TEX12: variants seen among roughly 807,000 people sequenced by gnomAD.
TEX12 encodes the protein testis expressed 12, also known as testis-expressed protein 12.
In TEX12, 7 loss-of-function variants were observed where a neutral mutation model predicts 14.6. The observed-to-expected ratio is 0.48, with a 90% confidence interval of 0.27 to 0.90. TEX12 has a LOEUF of 0.90. Among genes scored for constraint, TEX12 ranks in the 40% least tolerant of loss-of-function variants. TEX12 has a pLI of 0.12. For missense variants in TEX12, 121 were observed against 135.7 expected, an observed-to-expected ratio of 0.89 and a Z score of 0.54; for synonymous variants, 57 against 49.1, an observed-to-expected ratio of 1.16 and a Z score of -0.67.
In TEX12 at chr11:112,171,899, A is replaced by G. The variant is rs772460239; in HGVS notation, c.355A>G (p.Asn119Asp). The change falls in exon 5 of 5, where the codon AAC becomes GAC. Residue 119 changes from asparagine (N) to aspartate (D), a missense_variant. Physicochemically the swap from Asn to Asp is conservative, Grantham distance 23. Coordinates refer to ENST00000280358, the MANE Select transcript of TEX12 (RefSeq NM_031275.4). ...GCGACAGAGGTTTACAGTGATTGCA[A>G]ACACATTACACAGATAAAATATATA... ...FLRQRFTVIA[N>D]TLHR 107 of 1,564,850 alleles carry G rather than the reference A, an allele frequency of 6.8e-5. 2 individuals are homozygous for G. The Admixed American group carries it at 2.1e-3, about 31-fold the overall frequency.
At chr11:112,170,043 G>A (rs1372362969) in intron 2 of TEX12, among the ~76,000 whole-genome samples, 1 of 152,116 alleles carries the variant, frequency 6.6e-6, no homozygotes, top group African/African-American at 2.4e-5. Flanking sequence ...AGCTGGGCAT[G>A]GTGGAATGTT....
Position 112,171,889 on chromosome 11 carries a change from A to G in TEX12, c.345A>G (p.Thr115=). The G allele has an allele frequency of 3.2e-6, 5 of 1,577,832 alleles. No individual in the cohort carries two copies. Among genetic ancestry groups the G allele is most frequent in the Middle Eastern group, 1.7e-4 (1 of 5,902 alleles). Residue 115 remains threonine, a synonymous_variant, in exon 5 of 5, where the codon ACA becomes ACG. Coordinates refer to ENST00000280358, the MANE Select transcript of TEX12 (RefSeq NM_031275.4). ...GAGAGTTCCTGCGACAGAGGTTTAC[A>G]GTGATTGCAAACACATTACACAGAT... The part of the protein sequence containing the change: ...QKREFLRQRF[T]VIANTLHR
rs751155227 is a variant in TEX12 at position 112,169,238 on chromosome 11, T to C, written c.-16-15T>C. 127 of 1,595,278 alleles carry C rather than the reference T, an allele frequency of 8.0e-5. No individual in the cohort carries two copies. Among genetic ancestry groups the C allele is most frequent in the Non-Finnish European group, 1.1e-4 (126 of 1,162,882 alleles). On this transcript the variant is annotated splice_polypyrimidine_tract_variant and intron_variant, in intron 1 of 4. Transcript: ENST00000280358. ...GAGTTTGTACCTAAATCTGGCATTG[T>C]TCTAAGCTTTGTAGCTGGTGCCTTC...
chr11:112,171,016 T>C (rs1386123599), intron 4 of TEX12, among the ~76,000 whole-genome samples: 3 of 152,162 alleles, frequency 2.0e-5, no homozygotes, highest in Non-Finnish European at 4.4e-5. Flanking sequence ...ATATTAAAGA[T>C]AAATATTTAT....
At chr11:112,170,793 T>C (rs928084045) in intron 4 of TEX12, 119 bp downstream of exon 4, 27 of 720,686 alleles carry the variant, frequency 3.7e-5, no homozygotes, top group Middle Eastern at 4.0e-4. Context: ...CTTTGGAATT[T>C]TTTATTCTAC....
In TEX12 at chr11:112,167,450, C is replaced by G. The variant is rs991531226; in HGVS notation, c.-54C>G. On this transcript the variant is annotated 5_prime_UTR_variant, in exon 1 of 5. Transcript: ENST00000280358. The stretch of plus-strand genomic sequence containing the variant: ...CTTGGGGTGGGGCTGGAGGGATGGG[C>G]GCCTGTGAGAATGTGACGGACTGTG... 1.3e-5 allele frequency: 2 copies of G among 152,326 alleles called. No homozygotes were observed. The highest frequency in any genetic ancestry group is 1.3e-4 in the Admixed American group (2 of 15,244). 9.4% of individuals were successfully genotyped at this position (152,326 alleles called of 1,614,324 possible). A position where few individuals can be genotyped will look rare whatever the true frequency, so the allele number is the denominator to read the frequency against.
chr11:112,167,954 G>C (rs1866746167), intron 1 of TEX12, among the ~76,000 whole-genome samples: 1 of 152,184 alleles, frequency 6.6e-6, no homozygotes, highest in African/African-American at 2.4e-5. Context: ...TGGCTTCTCT[G>C]AAGTATTTTC....
At chr11:112,168,666 C>T (rs551570006) in intron 1 of TEX12, among the ~76,000 whole-genome samples, 173 of 152,222 alleles carry the variant, frequency 1.1e-3, no homozygotes, top group Non-Finnish European at 1.9e-3. Flanking sequence ...ATTCTCTCAC[C>T]TCAGCTTCCC....
At chr11:112,170,292 TC>T (rs1264594366) in intron 2 of TEX12, 126 bp from the exon 3 acceptor site, 4 of 605,444 alleles carry the variant, frequency 6.6e-6, no homozygotes, top group Non-Finnish European at 1.1e-5. Flanking sequence ...AATGACTAAG[TC>T]ATATGCTTTC....
rs1364688539 is a variant in TEX12, at chr11:112,171,821, T to C, written c.277T>C (p.Phe93Leu). The change falls in exon 5 of 5, where the codon TTC (phenylalanine) becomes CTC (leucine). Residue 93 changes from phenylalanine to leucine, a missense_variant. Transcript: ENST00000280358. Reference protein sequence around the residue: ...ASYIDEIDELFKEANAIENFL... With the variant: ...ASYIDEIDELLKEANAIENFL... ...TTACATTGATGAGATAGATGAACTC[T>C]TCAAAGAAGCCAATGCTATTGAAAA... 1 of 1,596,950 alleles carries C rather than the reference T, an allele frequency of 6.3e-7. No individual in the cohort carries two copies. Among genetic ancestry groups the C allele is most frequent in the Admixed American group, 1.8e-5 (1 of 56,632 alleles).
chr11:112,169,101 A>G lies in TEX12; in HGVS notation c.-16-152A>G. ...TACCCAAATAGCAGTTGATAGAATG[A>G]TTTAGAGGAGGGAGAAATTGAGTTT... On this transcript the variant is annotated intron_variant, in intron 1 of 4. Coordinates refer to ENST00000280358, the MANE Select transcript of TEX12 (RefSeq NM_031275.4). 4.6e-6 allele frequency: 3 copies of G among 657,824 alleles called. No homozygotes were observed. In the South Asian group the frequency reaches 5.6e-5, roughly 12 times the overall value. The allele number at this position is 657,824 out of a possible 1,614,324, so 40.7% of individuals were successfully genotyped here. A position where few individuals can be genotyped will look rare whatever the true frequency, so the allele number is the denominator to read the frequency against.
rs1592825401 is a variant in TEX12, at chr11:112,171,756, C to A, written c.228-16C>A. On this transcript the variant is annotated splice_polypyrimidine_tract_variant and intron_variant, in intron 4 of 4. Transcript: ENST00000280358. ...TATATCTACTTAGTTTAATATACAA[C>A]TTTTTTTCCTATTAGTGAGAGAGCA... 6.8e-7 allele frequency: 1 copy of A among 1,472,820 alleles called. No homozygotes were observed. Among genetic ancestry groups the A allele is most frequent in the East Asian group, 2.5e-5 (1 of 39,906 alleles). 91.2% of individuals were successfully genotyped at this position (1,472,820 alleles called of 1,614,324 possible).
chr11:112,171,680 T>C (rs1866791769), intron 4 of TEX12, 92 bp from the exon 5 acceptor site: 1 of 836,988 alleles, frequency 1.2e-6, no homozygotes, highest in East Asian at 3.0e-5. Flanking sequence ...GCCATTTAAA[T>C]GAAATAGTTA....
Position 112,171,974 on chromosome 11 carries a change from G to A in TEX12, c.*58G>A, listed in dbSNP as rs1411269534. On this transcript the variant is annotated 3_prime_UTR_variant, in exon 5 of 5. Transcript: ENST00000280358. Reference sequence around the variant, plus strand: ...CCTATTATTGTTATAATGAAAGAATGACATTTATGCTTTGAAAGCTCTCGA... The same window carrying A: ...CCTATTATTGTTATAATGAAAGAATAACATTTATGCTTTGAAAGCTCTCGA... The A allele has an allele frequency of 3.9e-6, 5 of 1,279,730 alleles. No individual in the cohort carries two copies. The highest frequency in any genetic ancestry group is 5.1e-6 in the Non-Finnish European group (5 of 973,192). 79.3% of individuals were successfully genotyped at this position (1,279,730 alleles called of 1,614,324 possible).
intron 4 of TEX12, among the ~76,000 whole-genome samples, chr11:112,171,119 G>A (rs1161328214): frequency 6.6e-6 from 1 of 151,998 alleles, no homozygotes; most frequent in Non-Finnish European, 1.5e-5. Flanking sequence ...AAGGGTGGTT[G>A]TGTCTGTACT....
In TEX12 at chr11:112,169,314, A is replaced by C; in HGVS notation, c.46A>C (p.Arg16=). Residue 16 remains arginine (R), a synonymous_variant, in exon 2 of 5, where the codon AGG becomes CGG. Transcript: ENST00000280358. The stretch of plus-strand genomic sequence containing the variant: ...AAAGCCTGATAATAGAAATTGCAAG[A>C]GGCCAAGAGAATTGGAGGTAAGCTG... ...LVKPDNRNCK[R]PRELESPVPD... 6.2e-7 allele frequency: 1 copy of C among 1,613,478 alleles called. No homozygotes were observed. Among genetic ancestry groups the C allele is most frequent in the African/African-American group, 1.3e-5 (1 of 75,048 alleles).
At chr11:112,169,153 AAATT>A (rs1866761460) in intron 1 of TEX12, 96 bp from the exon 2 acceptor site, 10 of 776,014 alleles carry the variant, frequency 1.3e-5, no homozygotes, top group Non-Finnish European at 2.0e-5. Flanking sequence ...ATGACAGTCT[AAATT>A]AACATCAGCA....
Position 112,170,691 on chromosome 11 carries a change from T to C in TEX12, c.227+17T>C. The stretch of plus-strand genomic sequence containing the variant: ...GCTTTTAAGGCAAGTACTTATAGTA[T>C]ATTCTCTGGGGTCTTTATGTTAGTT... On this transcript the variant is annotated intron_variant, in intron 4 of 4. Transcript: ENST00000280358. 1 of 1,592,618 alleles carries C rather than the reference T, an allele frequency of 6.3e-7. No individual in the cohort carries two copies. Among genetic ancestry groups the C allele is most frequent in the Non-Finnish European group, 8.6e-7 (1 of 1,162,706 alleles).
intron 1 of TEX12, among the ~76,000 whole-genome samples, chr11:112,168,488 A>T (rs1866752432): frequency 6.6e-6 from 1 of 152,192 alleles, no homozygotes; most frequent in Non-Finnish European, 1.5e-5. Context: ...ACTTGTAAAA[A>T]ATGAGATTGA....
Sources: gnomAD v4.1 joint callset for allele counts (sites outside exome capture counted in the v4.1 genomes callset) on GRCh38, gnomAD v4.1.1 for gene constraint, MANE v1.5 for transcripts, NCBI Gene and HGNC (gene_info 2026-07-23, HGNC 2026-07-21) for gene names.